The following OR6N1 variants were observed in gnomAD, a reference collection of about 807,000 sequenced individuals.
The protein encoded by OR6N1 is olfactory receptor 6N1.
For synonymous variants in OR6N1, 170 were observed against 150.7 expected (o/e 1.13, Z -0.94); for missense variants, 394 against 371.7 (o/e 1.06, Z -0.49).
At chr1:158,788,151 G>T in the OR6N1 span, among the ~76,000 whole-genome samples, 24 of 152,148 alleles carry the variant, frequency 1.6e-4, no homozygotes, top group African/African-American at 5.6e-4. Context: ...TTATAAATTT[G>T]TTGATTATTG....
At chr1:158,803,143 C>T in the OR6N1 span, among the ~76,000 whole-genome samples, 10 of 152,012 alleles carry the variant, frequency 6.6e-5, no homozygotes, top group South Asian at 2.1e-4. Context: ...TCATATTAAA[C>T]GGAAGAAAAA....
upstream of OR6N1, among the ~76,000 whole-genome samples, chr1:158,772,663 C>A (rs74122471): frequency 0.011 from 1,690 of 152,164 alleles, 39 homozygotes; most frequent in African/African-American, 0.039. Context: ...TATTTATAGC[C>A]GTTATATGTT....
intron 1 of OR6N1, among the ~76,000 whole-genome samples, chr1:158,768,095 T>C (rs1657324172): frequency 6.6e-6 from 1 of 152,132 alleles, no homozygotes; most frequent in Non-Finnish European, 1.5e-5. Flanking sequence ...CCAACTTTAG[T>C]TTCTCCTCCA....
chr1:158,827,031 A>C, the OR6N1 span, among the ~76,000 whole-genome samples: 1 of 152,234 alleles, frequency 6.6e-6, no homozygotes, highest in South Asian at 2.1e-4. Context: ...TAAGTGATCA[A>C]TGAGCTAGTT....
At chr1:158,789,111 G>T in the OR6N1 span, among the ~76,000 whole-genome samples, 4 of 152,006 alleles carry the variant, frequency 2.6e-5, no homozygotes. Flanking sequence ...GTCTTTCCAT[G>T]CTAGGCTTCT....
the OR6N1 span, among the ~76,000 whole-genome samples, chr1:158,800,578 C>T: frequency 6.6e-6 from 1 of 152,166 alleles, no homozygotes; most frequent in Non-Finnish European, 1.5e-5. Context: ...GACCCCAGAA[C>T]ATTCTGTGAT....
rs1558031746 is a variant in OR6N1, at chr1:158,766,371, A to G, written c.312T>C (p.Phe104=). The change falls in exon 2 of 2, where the codon TTT becomes TTC. Residue 104 remains phenylalanine, a synonymous_variant. Transcript: ENST00000641846. The part of the protein sequence containing the change: ...FSGCLLQIYF[F]HSLGATECYL... Reference sequence around the variant, plus strand: ...AGCACTCAGTCGCTCCAAGGGAGTGAAAGAAATAGATCTGCAGGAGACACC... The same window carrying G: ...AGCACTCAGTCGCTCCAAGGGAGTGGAAGAAATAGATCTGCAGGAGACACC... 1 of 1,614,058 alleles carries G rather than the reference A, an allele frequency of 6.2e-7. No individual in the cohort carries two copies. The highest frequency in any genetic ancestry group is 8.5e-7 in the Non-Finnish European group (1 of 1,180,044).
chr1:158,814,532 G>A, the OR6N1 span, among the ~76,000 whole-genome samples: 1 of 152,196 alleles, frequency 6.6e-6, no homozygotes, highest in Non-Finnish European at 1.5e-5. Context: ...CTTGAAAGTA[G>A]AAGATCAAGA....
At chr1:158,817,023 T>C in the OR6N1 span, among the ~76,000 whole-genome samples, 1 of 152,232 alleles carries the variant, frequency 6.6e-6, no homozygotes, top group Admixed American at 6.5e-5. Flanking sequence ...GTAACATTTT[T>C]ATATTCATTA....
chr1:158,771,733 A>G (rs1657428905), intron 1 of OR6N1, among the ~76,000 whole-genome samples: 1 of 152,192 alleles, frequency 6.6e-6, no homozygotes, highest in Non-Finnish European at 1.5e-5. Flanking sequence ...AAACGAAACA[A>G]ACAAACAAAC....
the OR6N1 span, among the ~76,000 whole-genome samples, chr1:158,818,897 G>A: frequency 6.6e-6 from 1 of 152,146 alleles, no homozygotes; most frequent in South Asian, 2.1e-4. Context: ...TAAAGAACAT[G>A]AGAGCTAGAC....
In OR6N1 at chr1:158,765,701, A is replaced by C. The variant is rs189079734; in HGVS notation, c.*43T>G. ...CTGGCCACTGTTGATCCCTGGGGCC[A>C]CCATATCCTCAGGCCCGGCCTTGGC... On this transcript the variant is annotated 3_prime_UTR_variant, in exon 2 of 2. Coordinates refer to ENST00000641846, the MANE Select transcript of OR6N1 (RefSeq NM_001005185.2). 1.3e-6 allele frequency: 2 copies of C among 1,500,056 alleles called. No individual in the cohort carries two copies. Among genetic ancestry groups the C allele is most frequent in the East Asian group, 2.3e-5 (1 of 43,864 alleles). The allele number at this position is 1,500,056 out of a possible 1,614,324, so 92.9% of individuals were successfully genotyped here.
the OR6N1 span, among the ~76,000 whole-genome samples, chr1:158,811,313 A>T: frequency 2.6e-5 from 4 of 151,978 alleles, no homozygotes; most frequent in Non-Finnish European, 5.9e-5. Flanking sequence ...CACTACCCTC[A>T]CTATCTCCCC....
chr1:158,805,762 G>T, the OR6N1 span, among the ~76,000 whole-genome samples: 1 of 152,120 alleles, frequency 6.6e-6, no homozygotes, highest in Non-Finnish European at 1.5e-5. Context: ...AGTTTCAAGA[G>T]GGGAACTCAA....
the OR6N1 span, among the ~76,000 whole-genome samples, chr1:158,810,564 G>A: frequency 3.3e-5 from 5 of 152,248 alleles, no homozygotes; most frequent in East Asian, 1.9e-4. Context: ...TGCAACCCTC[G>A]CTGTGGACTT....
At chr1:158,793,489 A>G in the OR6N1 span, among the ~76,000 whole-genome samples, 1 of 152,010 alleles carries the variant, frequency 6.6e-6, no homozygotes, top group Non-Finnish European at 1.5e-5. Flanking sequence ...TTCAATGTTT[A>G]TAGTTTGTTG....
the OR6N1 span, among the ~76,000 whole-genome samples, chr1:158,787,635 T>TCTCTCTCTCTCTCACACA: frequency 7.5e-6 from 1 of 134,206 alleles, no homozygotes; most frequent in African/African-American, 3.0e-5. Context: ...TCTCTCTCTC[T>TCTCTCTCTCTCTCACACA]CACACACACA....
the OR6N1 span, among the ~76,000 whole-genome samples, chr1:158,835,144 T>A: frequency 6.6e-6 from 1 of 152,198 alleles, no homozygotes; most frequent in Non-Finnish European, 1.5e-5. Flanking sequence ...TGTGTTCGTG[T>A]AAAAAACACT....
At chr1:158,827,008 A>AAAGAAGTGAAATT in the OR6N1 span, among the ~76,000 whole-genome samples, 13 of 152,204 alleles carry the variant, frequency 8.5e-5, no homozygotes, top group African/African-American at 3.1e-4. Flanking sequence ...TGGAGAATTT[A>AAAGAAGTGAAATT]AAGAAGTGAA....
Sources: allele counts gnomAD v4.1 joint callset (sites outside exome capture counted in the v4.1 genomes callset), GRCh38; gene constraint gnomAD v4.1.1; transcripts MANE v1.5; gene names NCBI Gene and HGNC (gene_info 2026-07-23, HGNC 2026-07-21).